The following FAR2 variants were observed in gnomAD, a reference collection of about 807,000 sequenced individuals.
The protein encoded by FAR2 is epididymis secretory protein Li 81.
A neutral mutation model predicts 56.0 loss-of-function variants in FAR2; 19 were observed. The ratio of observed to expected loss-of-function variants is 0.34; its 90% CI spans 0.24 to 0.50. The LOEUF (loss-of-function observed/expected upper bound fraction) is 0.50. FAR2 is among the 20% of genes least tolerant of loss of function. FAR2 has a pLI of 0.98. For missense variants in FAR2, 508 were observed against 642.2 expected (o/e 0.79, Z 2.26); for synonymous variants, 219 against 218.8 (o/e 1.00, Z -0.01).
At chr12:29,323,533 CT>C (rs1949589410) in intron 10 of FAR2, among the ~76,000 whole-genome samples, 2 of 152,206 alleles carry the variant, frequency 1.3e-5, no homozygotes, top group Non-Finnish European at 2.9e-5. Flanking sequence ...CGGCCAGGTA[CT>C]CCTCTGAGAC....
At chr12:29,199,321 C>T (rs543659118) in intron 1 of FAR2, among the ~76,000 whole-genome samples, 96 of 152,232 alleles carry the variant, frequency 6.3e-4, no homozygotes, top group South Asian at 2.3e-3. Context: ...AGATCTCAGC[C>T]GGGCGCGGTG....
intron 1 of FAR2, among the ~76,000 whole-genome samples, chr12:29,228,588 T>TCG (rs1320532036): frequency 1.3e-5 from 1 of 79,268 alleles, no homozygotes; most frequent in Non-Finnish European, 2.6e-5. Context: ...TCAGTCTTTT[T>TCG]TGTGTTTGTT....
intron 2 of FAR2, among the ~76,000 whole-genome samples, chr12:29,271,975 C>T (rs935710750): frequency 5.3e-5 from 8 of 152,164 alleles, no homozygotes; most frequent in Admixed American, 2.0e-4. Context: ...CTTGCTCCTG[C>T]CCCACACTGC....
chr12:29,162,376 C>T (rs765093245), intron 1 of FAR2, among the ~76,000 whole-genome samples: 2 of 152,168 alleles, frequency 1.3e-5, no homozygotes, highest in Non-Finnish European at 2.9e-5. Flanking sequence ...AGTCTGGATG[C>T]CTCAGAATGA....
intron 1 of FAR2, among the ~76,000 whole-genome samples, chr12:29,200,316 G>T (rs1196456429): frequency 6.6e-6 from 1 of 152,170 alleles, no homozygotes; most frequent in Non-Finnish European, 1.5e-5. Context: ...AAATCAGCTG[G>T]CAAGGAGACT....
At chr12:29,234,939 A>G (rs566211686) in intron 1 of FAR2, among the ~76,000 whole-genome samples, 1 of 152,320 alleles carries the variant, frequency 6.6e-6, no homozygotes, top group South Asian at 2.1e-4. Context: ...CATCACGCAT[A>G]TATCACATTT....
intron 1 of FAR2, among the ~76,000 whole-genome samples, chr12:29,190,181 G>A (rs1400040560): frequency 1.3e-5 from 2 of 152,158 alleles, no homozygotes; most frequent in East Asian, 3.8e-4. Flanking sequence ...CAAGTCAAAT[G>A]AGCGGGCACA....
At chr12:29,284,928 A>G (rs7136223) in intron 2 of FAR2, among the ~76,000 whole-genome samples, 51,563 of 151,428 alleles carry the variant, frequency 0.34, 9,534 homozygotes, top group African/African-American at 0.49. Context: ...TGCAAGCTCC[A>G]CCTCCCGGGT....
intron 1 of FAR2, among the ~76,000 whole-genome samples, chr12:29,198,437 C>T (rs1027116379): frequency 1.3e-5 from 2 of 152,078 alleles, no homozygotes; most frequent in African/African-American, 4.8e-5. Flanking sequence ...CCACGTTGGC[C>T]AGGATGGTCT....
chr12:29,305,157 AG>A (rs1312349743), intron 4 of FAR2, among the ~76,000 whole-genome samples: 1 of 150,968 alleles, frequency 6.6e-6, no homozygotes, highest in Non-Finnish European at 1.5e-5. Flanking sequence ...TATTTTTTTG[AG>A]ACAGGGTCTC....
chr12:29,170,959 C>G (rs576718525), intron 1 of FAR2, among the ~76,000 whole-genome samples: 8 of 152,362 alleles, frequency 5.3e-5, no homozygotes, highest in African/African-American at 1.2e-4. Context: ...GGGGTTCCCC[C>G]AGAGGTTAGG....
chr12:29,175,202 C>A (rs1437086014), intron 1 of FAR2, among the ~76,000 whole-genome samples: 4 of 152,198 alleles, frequency 2.6e-5, no homozygotes, highest in African/African-American at 9.7e-5. Context: ...GCTGATTGCC[C>A]CATCTGGGTC....
chr12:29,156,144 T>G (rs978774786), intron 1 of FAR2, among the ~76,000 whole-genome samples: 1 of 152,108 alleles, frequency 6.6e-6, no homozygotes, highest in Non-Finnish European at 1.5e-5. Flanking sequence ...GTTCAAATTT[T>G]CAGTTAGGCA....
intron 1 of FAR2, among the ~76,000 whole-genome samples, chr12:29,162,476 T>A (rs558561360): frequency 1.3e-5 from 2 of 152,196 alleles, no homozygotes; most frequent in Non-Finnish European, 2.9e-5. Context: ...GGCTGTTCAG[T>A]GTTAAGGTCA....
intron 4 of FAR2, 34 bp from the exon 5 acceptor site, chr12:29,307,624 A>T: frequency 1.3e-6 from 2 of 1,560,198 alleles, no homozygotes; most frequent in Non-Finnish European, 1.7e-6. Flanking sequence ...TGTCTAACAT[A>T]TGTTACTAGA....
chr12:29,164,508 C>T (rs1443358015), intron 1 of FAR2, among the ~76,000 whole-genome samples: 1 of 152,190 alleles, frequency 6.6e-6, no homozygotes, highest in African/African-American at 2.4e-5. Context: ...ATCTCCCTCA[C>T]AGGGTGTGAT....
At chr12:29,318,486 C>A (rs1174012042) in intron 9 of FAR2, among the ~76,000 whole-genome samples, 2 of 152,096 alleles carry the variant, frequency 1.3e-5, no homozygotes, top group Admixed American at 6.5e-5. Context: ...CTATATGTAT[C>A]TTGTGAGAAG....
chr12:29,168,930 C>T (rs1949858509), intron 1 of FAR2, among the ~76,000 whole-genome samples: 1 of 152,134 alleles, frequency 6.6e-6, no homozygotes, highest in African/African-American at 2.4e-5. Context: ...TTGATTGGTC[C>T]ATTTTACAGA....
chr12:29,158,309 C>T (rs1269640596), intron 1 of FAR2, among the ~76,000 whole-genome samples: 2 of 152,202 alleles, frequency 1.3e-5, no homozygotes, highest in Non-Finnish European at 1.5e-5. Context: ...AAGCTAAGCA[C>T]ATGATCTAAA....
Sources: allele counts gnomAD v4.1 joint callset (sites outside exome capture counted in the v4.1 genomes callset), GRCh38; gene constraint gnomAD v4.1.1; transcripts MANE v1.5; gene names NCBI Gene and HGNC (gene_info 2026-07-23, HGNC 2026-07-21).